ZBTB16: variants seen among roughly 807,000 people sequenced by gnomAD.
ZBTB16 encodes zinc finger and BTB domain containing 16.
ZBTB16 carries 8 observed loss-of-function variants against 56.8 expected under a neutral mutation model. The ratio of observed to expected loss-of-function variants is 0.14; its 90% confidence interval spans 0.08 to 0.25. The LOEUF (loss-of-function observed/expected upper bound fraction) is 0.25, where lower values mean the gene tolerates loss of function less well. Among genes scored for constraint, ZBTB16 ranks in the 10% least tolerant of loss-of-function variants. The pLI is 1.00. For synonymous variants in ZBTB16, 363 were observed against 368.5 expected (o/e 0.98, Z 0.17); for missense variants, 625 against 903.0 (o/e 0.69, Z 3.95).
chr11:114,238,255 G>A (rs967770645), intron 4 of ZBTB16, among the ~76,000 whole-genome samples: 3 of 152,200 alleles, frequency 2.0e-5, no homozygotes, highest in African/African-American at 7.2e-5. Context: ...GTCCCCATGT[G>A]TGCCCAGAGT....
chr11:114,124,855 G>C (rs1255080407), intron 2 of ZBTB16, among the ~76,000 whole-genome samples: 1 of 152,192 alleles, frequency 6.6e-6, no homozygotes, highest in East Asian at 1.9e-4. Flanking sequence ...CAGCACGAGG[G>C]TGCTGTGGAG....
intron 2 of ZBTB16, among the ~76,000 whole-genome samples, chr11:114,073,241 C>T (rs913876073): frequency 5.3e-5 from 8 of 151,948 alleles, no homozygotes; most frequent in East Asian, 1.9e-4. Context: ...GGGCCCAGGC[C>T]GCATGGATCC....
intron 3 of ZBTB16, among the ~76,000 whole-genome samples, chr11:114,161,440 T>G (rs1239306086): frequency 6.6e-6 from 1 of 152,172 alleles, no homozygotes. Context: ...CTCAAGGAGC[T>G]TAAGTCTAGA....
chr11:114,197,214 C>T (rs1456202557), intron 4 of ZBTB16, among the ~76,000 whole-genome samples: 2 of 152,188 alleles, frequency 1.3e-5, no homozygotes, highest in African/African-American at 4.8e-5. Flanking sequence ...AGCCACTCAA[C>T]CAGATGCAAA....
chr11:114,220,741 T>C (rs1279337874), intron 4 of ZBTB16, among the ~76,000 whole-genome samples: 4 of 152,168 alleles, frequency 2.6e-5, no homozygotes, highest in Non-Finnish European at 5.9e-5. Context: ...AAGTAGTATA[T>C]AAGTAAATGA....
In ZBTB16 at chr11:114,196,561, G is replaced by A. The variant is rs190861777; in HGVS notation, c.1453+9523G>A. Among the ~76,000 whole-genome samples, 21 of 152,288 alleles carry A rather than the reference G, an allele frequency of 1.4e-4. No homozygotes were observed. The East Asian group carries it at 3.3e-3, about 24-fold the overall frequency. ...CTGCCCTGCAAGGTCTGCCAGGTTAGTGACTCAAGTTTGCTGTGAGAGTAG... is the reference window on the plus strand; with the variant it reads ...CTGCCCTGCAAGGTCTGCCAGGTTAATGACTCAAGTTTGCTGTGAGAGTAG... On this transcript the variant is annotated intron_variant, in intron 4 of 6. Coordinates refer to ENST00000335953, the MANE Select transcript of ZBTB16 (RefSeq NM_006006.6).
Position 114,251,829 on chromosome 11 carries a change from G to C in ZBTB16, c.*1274G>C, listed in dbSNP as rs970369730. Among the ~76,000 whole-genome samples the C allele has an allele frequency of 6.6e-6, 1 of 152,154 alleles. No individual in the cohort carries two copies. Among genetic ancestry groups the C allele is most frequent in the Admixed American group, 6.5e-5 (1 of 15,282 alleles). On this transcript the variant is annotated 3_prime_UTR_variant, in exon 7 of 7. Coordinates refer to ENST00000335953, the MANE Select transcript of ZBTB16 (RefSeq NM_006006.6). ...GCGCTTTGGCCTTGTGTTATGTTTTGCTTCTTTTCTGTGTCCCCTGTTAGC... is the reference window on the plus strand; with the variant it reads ...GCGCTTTGGCCTTGTGTTATGTTTTCCTTCTTTTCTGTGTCCCCTGTTAGC...
intron 4 of ZBTB16, among the ~76,000 whole-genome samples, chr11:114,196,287 G>A (rs1370007443): frequency 6.6e-6 from 1 of 152,206 alleles, no homozygotes; most frequent in African/African-American, 2.4e-5. Flanking sequence ...TGGGTTCCTG[G>A]TAGGGTCCTG....
At chr11:114,181,252 G>A (rs941165102) in intron 3 of ZBTB16, among the ~76,000 whole-genome samples, 2 of 152,246 alleles carry the variant, frequency 1.3e-5, no homozygotes, top group African/African-American at 2.4e-5. Flanking sequence ...TACTGGTTCT[G>A]TATATCTACC....
intron 2 of ZBTB16, among the ~76,000 whole-genome samples, chr11:114,119,265 A>C (rs1242024278): frequency 5.3e-5 from 1 of 19,010 alleles, no homozygotes; most frequent in Admixed American, 5.1e-4. Flanking sequence ...ACTCTGTCTC[A>C]AAAAAAAAAA....
intron 2 of ZBTB16, among the ~76,000 whole-genome samples, chr11:114,153,445 T>G (rs879330629): frequency 6.6e-6 from 1 of 152,208 alleles, no homozygotes; most frequent in Non-Finnish European, 1.5e-5. Flanking sequence ...GACCTTACCC[T>G]GAGGATTAGA....
At chr11:114,132,155 G>GTA (rs1320197604) in intron 2 of ZBTB16, among the ~76,000 whole-genome samples, 1 of 152,024 alleles carries the variant, frequency 6.6e-6, no homozygotes, top group African/African-American at 2.4e-5. Flanking sequence ...TACCTATTAG[G>GTA]TATAGGTATA....
At chr11:114,114,516 A>G (rs1454362562) in intron 2 of ZBTB16, among the ~76,000 whole-genome samples, 2 of 152,196 alleles carry the variant, frequency 1.3e-5, no homozygotes, top group African/African-American at 4.8e-5. Flanking sequence ...GTTTGTAAAA[A>G]GAGTTTGTTT....
intron 2 of ZBTB16, among the ~76,000 whole-genome samples, chr11:114,089,188 G>A (rs1367449259): frequency 6.6e-6 from 1 of 152,186 alleles, no homozygotes; most frequent in Admixed American, 6.5e-5. Context: ...TCAAGCTGGG[G>A]CTTTCCTATG....
At position 114,174,192 on chromosome 11, in the gene ZBTB16, G is replaced by A. The variant is rs1943045126; in HGVS notation, c.1367-12760G>A. Reference sequence around the variant, plus strand: ...AGACCCTGTGCTGCTCCCAGCCCAGGCTCTGTCGGATAGACAGTGTTGTTT... The same window carrying A: ...AGACCCTGTGCTGCTCCCAGCCCAGACTCTGTCGGATAGACAGTGTTGTTT... On this transcript the variant is annotated intron_variant, in intron 3 of 6. Transcript: ENST00000335953. Among the ~76,000 whole-genome samples the A allele has an allele frequency of 2.6e-5, 4 of 152,196 alleles. No homozygotes were observed. In the South Asian group the frequency reaches 8.3e-4, roughly 32 times the overall value.
intron 2 of ZBTB16, among the ~76,000 whole-genome samples, chr11:114,068,430 G>T (rs1672706): frequency 0.92 from 140,507 of 152,192 alleles, 65,875 homozygotes; most frequent in East Asian, 1. Flanking sequence ...GAGTTGTAGA[G>T]CCTGTTTCCT....
chr11:114,230,321 G>A (rs901937167), intron 4 of ZBTB16, among the ~76,000 whole-genome samples: 4 of 152,098 alleles, frequency 2.6e-5, no homozygotes, highest in Non-Finnish European at 4.4e-5. Flanking sequence ...ACATTCTGCC[G>A]TTGCTAAGAC....
intron 2 of ZBTB16, among the ~76,000 whole-genome samples, chr11:114,101,406 T>A (rs1940604158): frequency 6.6e-6 from 1 of 152,212 alleles, no homozygotes; most frequent in African/African-American, 2.4e-5. Flanking sequence ...TCCCTGCATT[T>A]TCTAGCGTTG....
At chr11:114,114,462 G>A (rs923066116) in intron 2 of ZBTB16, among the ~76,000 whole-genome samples, 1 of 152,144 alleles carries the variant, frequency 6.6e-6, no homozygotes, top group African/African-American at 2.4e-5. Flanking sequence ...TGAGTTCCAG[G>A]CTTAGCTCAA....
Sources: gnomAD v4.1 joint callset for allele counts (sites outside exome capture counted in the v4.1 genomes callset) on GRCh38, gnomAD v4.1.1 for gene constraint, MANE v1.5 for transcripts, NCBI Gene and HGNC (gene_info 2026-07-23, HGNC 2026-07-21) for gene names.